Variants in SDK1 observed in about 807,000 individuals in gnomAD.
The protein encoded by SDK1 is sidekick cell adhesion molecule 1, also known as protein sidekick-1.
A neutral mutation model predicts 245.5 loss-of-function variants in SDK1; 157 were observed. The observed-to-expected ratio is 0.64, with a 90% confidence interval of 0.56 to 0.73. The LOEUF is 0.73. Among genes scored for constraint, SDK1 ranks in the 30% least tolerant of loss-of-function variants. The pLI, the probability that SDK1 is intolerant of heterozygous loss-of-function variation, is 0.00. For synonymous variants in SDK1, 1,647 were observed against 1,278.5 expected, an observed-to-expected ratio of 1.29 and a Z score of -6.15; for missense variants, 3,583 against 3,002.3, an observed-to-expected ratio of 1.19 and a Z score of -4.52.
At chr7:3,382,890 T>G (rs1484234571) in intron 1 of SDK1, among the ~76,000 whole-genome samples, 2 of 152,208 alleles carry the variant, frequency 1.3e-5, no homozygotes, top group African/African-American at 4.8e-5. Context: ...ATTGTATATT[T>G]GTTGACTTGT....
At chr7:3,581,018 A>C in intron 1 of SDK1, among the ~76,000 whole-genome samples, 1 of 150,986 alleles carries the variant, frequency 6.6e-6, no homozygotes, top group Admixed American at 6.6e-5. Context: ...CTGGAAGACA[A>C]TCTATGCATT....
intron 5 of SDK1, among the ~76,000 whole-genome samples, chr7:3,898,441 A>G (rs918706946): frequency 6.6e-6 from 1 of 152,244 alleles, no homozygotes; most frequent in African/African-American, 2.4e-5. Context: ...TTACAGTGAT[A>G]TACAGAAAAT....
intron 5 of SDK1, among the ~76,000 whole-genome samples, chr7:3,931,552 G>T (rs1306118985): frequency 6.6e-6 from 1 of 152,110 alleles, no homozygotes; most frequent in East Asian, 1.9e-4. Flanking sequence ...CCTTTGTTCT[G>T]GAAGAATAAT....
chr7:3,820,142 C>G (rs879743723), intron 4 of SDK1, among the ~76,000 whole-genome samples: 3 of 152,132 alleles, frequency 2.0e-5, no homozygotes, highest in Non-Finnish European at 4.4e-5. Context: ...AGTTTACTCA[C>G]ATTCATATTT....
At chr7:3,379,047 T>C (rs1427572085) in intron 1 of SDK1, among the ~76,000 whole-genome samples, 9 of 152,198 alleles carry the variant, frequency 5.9e-5, no homozygotes, top group Non-Finnish European at 1.2e-4. Flanking sequence ...TGGCCTGTGC[T>C]GCACTGATAA....
At chr7:3,484,558 A>G (rs537475548) in intron 1 of SDK1, among the ~76,000 whole-genome samples, 1 of 152,268 alleles carries the variant, frequency 6.6e-6, no homozygotes, top group African/African-American at 2.4e-5. Context: ...TAACTGTACA[A>G]TAGTTAACTA....
chr7:3,704,337 T>G (rs752083290), intron 4 of SDK1, among the ~76,000 whole-genome samples: 1 of 151,968 alleles, frequency 6.6e-6, no homozygotes, highest in East Asian at 1.9e-4. Flanking sequence ...GATGGGCACT[T>G]AGGATGAGGA....
At chr7:4,019,171 T>C (rs945096966) in intron 17 of SDK1, among the ~76,000 whole-genome samples, 2 of 152,184 alleles carry the variant, frequency 1.3e-5, no homozygotes, top group Non-Finnish European at 2.9e-5. Context: ...GCCCAGACCC[T>C]TCCTCAAAGT....
At chr7:4,200,347 G>A (rs969582545) in intron 35 of SDK1, among the ~76,000 whole-genome samples, 3 of 152,242 alleles carry the variant, frequency 2.0e-5, no homozygotes, top group Non-Finnish European at 4.4e-5. Context: ...TGGAGCTACA[G>A]CTGGGATGTA....
At chr7:4,109,286 G>C (rs984267335) in intron 22 of SDK1, among the ~76,000 whole-genome samples, 3 of 152,196 alleles carry the variant, frequency 2.0e-5, no homozygotes, top group Non-Finnish European at 4.4e-5. Context: ...TTTGCGCTTT[G>C]CCTTTCGAGT....
At chr7:3,517,500 T>C (rs1039994757) in intron 1 of SDK1, among the ~76,000 whole-genome samples, 10 of 152,160 alleles carry the variant, frequency 6.6e-5, no homozygotes, top group African/African-American at 2.2e-4. Context: ...CTCAACACTT[T>C]TGCTTGCTTC....
chr7:3,627,331 C>T (rs974776789), intron 2 of SDK1, among the ~76,000 whole-genome samples: 7 of 152,164 alleles, frequency 4.6e-5, no homozygotes, highest in African/African-American at 1.7e-4. Flanking sequence ...GGGAAAGTGC[C>T]TGTTTTCATA....
intron 17 of SDK1, among the ~76,000 whole-genome samples, chr7:4,024,676 ACAGAGG>A (rs1476629322): frequency 6.6e-6 from 1 of 152,204 alleles, no homozygotes; most frequent in Admixed American, 6.5e-5. Flanking sequence ...TCCCTATTGG[ACAGAGG>A]CAAAGATGGA....
At chr7:3,844,590 C>T (rs1372367307) in intron 5 of SDK1, among the ~76,000 whole-genome samples, 1 of 152,214 alleles carries the variant, frequency 6.6e-6, no homozygotes, top group Non-Finnish European at 1.5e-5. Flanking sequence ...AGCTATGAAA[C>T]TGAATTTTAC....
chr7:3,912,815 C>T (rs992367675), intron 5 of SDK1, among the ~76,000 whole-genome samples: 6 of 152,184 alleles, frequency 3.9e-5, no homozygotes, highest in South Asian at 2.1e-4. Context: ...GAAGAAGACC[C>T]GATTTCTTTA....
intron 5 of SDK1, among the ~76,000 whole-genome samples, chr7:3,862,583 TG>T (rs1334111967): frequency 6.6e-6 from 1 of 152,250 alleles, no homozygotes; most frequent in Non-Finnish European, 1.5e-5. Context: ...AGTGGTTATC[TG>T]AATTATTTGT....
intron 5 of SDK1, among the ~76,000 whole-genome samples, chr7:3,936,741 A>G (rs1043350019): frequency 2.6e-5 from 4 of 152,226 alleles, no homozygotes; most frequent in African/African-American, 9.6e-5. Context: ...GAAGTATACC[A>G]AAGTACAAAG....
chr7:4,038,790 C>T (rs771267987), intron 17 of SDK1, among the ~76,000 whole-genome samples: 2 of 152,206 alleles, frequency 1.3e-5, no homozygotes, highest in Non-Finnish European at 2.9e-5. Flanking sequence ...TATTGTGTAA[C>T]TGCAGACAAT....
chr7:3,466,973 TCTCTCTACACACACACACACACACAC>T (rs1781020296), intron 1 of SDK1, among the ~76,000 whole-genome samples: 3 of 120,410 alleles, frequency 2.5e-5, no homozygotes, highest in African/African-American at 1.0e-4. Context: ...CTCTCCTCTC[TCTCTCTACACACACACACACACACAC>T]ACACACACAC....
Sources: gnomAD v4.1 joint callset for allele counts (sites outside exome capture counted in the v4.1 genomes callset) on GRCh38, gnomAD v4.1.1 for gene constraint, MANE v1.5 for transcripts, NCBI Gene and HGNC (gene_info 2026-07-23, HGNC 2026-07-21) for gene names.